SMIM27: variants seen among roughly 807,000 people sequenced by gnomAD.
The protein encoded by SMIM27 is transition zone microprotein 1.
Under a neutral mutation model 1.8 loss-of-function variants are expected in SMIM27, and 3 were observed. That is an observed-to-expected ratio of 1.65 (90% CI 0.75 to 4.28). The LOEUF is 4.28. SMIM27 is among the 30% of genes most tolerant of loss of function. The probability of loss-of-function intolerance (pLI) is 0.02; values close to 1 mark genes in which losing one functional copy is unlikely to be tolerated. For synonymous variants in SMIM27, 19 were observed against 13.9 expected (o/e 1.37, Z -0.82); for missense variants, 63 against 37.0 (o/e 1.70, Z -1.83).
At chr9:32,555,926 G>C (rs988079806), downstream of SMIM27, among the ~76,000 whole-genome samples, 1 of 152,224 alleles carries the variant, frequency 6.6e-6, no homozygotes, top group Non-Finnish European at 1.5e-5. Flanking sequence ...CCAAGAACCA[G>C]TGACTACTAT....
chr9:32,565,955 A>T (rs963455591), intron 1 of SMIM27, among the ~76,000 whole-genome samples: 1 of 152,112 alleles, frequency 6.6e-6, no homozygotes, highest in African/African-American at 2.4e-5. Flanking sequence ...CTGGGCAACG[A>T]AAGTGAAACT....
At chr9:32,565,159 G>A (rs985562946) in intron 1 of SMIM27, among the ~76,000 whole-genome samples, 5 of 152,126 alleles carry the variant, frequency 3.3e-5, no homozygotes, top group Non-Finnish European at 7.4e-5. Flanking sequence ...CAGCCATGGT[G>A]GCGGACACCT....
intron 1 of SMIM27, among the ~76,000 whole-genome samples, chr9:32,560,925 T>C (rs1821606622): frequency 6.6e-6 from 1 of 152,356 alleles, no homozygotes; most frequent in African/African-American, 2.4e-5. Flanking sequence ...TTTAAGTCAC[T>C]GTAACCAGTT....
intron 1 of SMIM27, among the ~76,000 whole-genome samples, chr9:32,561,938 T>A (rs1470432830): frequency 6.6e-6 from 1 of 152,240 alleles, no homozygotes; most frequent in Non-Finnish European, 1.5e-5. Context: ...TTTCAATGTT[T>A]TTCTTTGTTT....
downstream of SMIM27, among the ~76,000 whole-genome samples, chr9:32,556,264 T>C (rs192083957): frequency 2.6e-5 from 4 of 152,156 alleles, no homozygotes; most frequent in Non-Finnish European, 4.4e-5. Context: ...CAGATAATAT[T>C]TGGGAAGATG....
downstream of SMIM27, among the ~76,000 whole-genome samples, chr9:32,557,470 CT>C (rs201117028): frequency 4.9e-3 from 731 of 147,732 alleles, 4 homozygotes; most frequent in African/African-American, 0.017. Context: ...ATACCCCCTA[CT>C]TTTTTTTTTC....
upstream of SMIM27, chr9:32,551,711 A>G (rs72712913): frequency 0.027 from 10,486 of 387,232 alleles, 220 homozygotes; most frequent in Middle Eastern, 0.077. Context: ...CGCCCACCAA[A>G]CTGCCGTGCT....
rs927685311 is a variant in SMIM27 at position 32,553,005 on chromosome 9, G to A, written c.*82G>A. On this transcript the variant is annotated 3_prime_UTR_variant, in exon 2 of 2. Transcript: ENST00000692500. Reference sequence around the variant, plus strand: ...ATAAAAATAAAATTCATAATGCAAAGTTCCCAAGTTTATTTTTGCATTATC... The same window carrying A: ...ATAAAAATAAAATTCATAATGCAAAATTCCCAAGTTTATTTTTGCATTATC... The A allele has an allele frequency of 6.7e-6, 4 of 593,698 alleles. No individual in the cohort carries two copies. Among genetic ancestry groups the A allele is most frequent in the Non-Finnish European group, 1.2e-5 (4 of 333,900 alleles). The allele number at this position is 593,698 out of a possible 1,614,324, so 36.8% of individuals were successfully genotyped here.
At chr9:32,564,569 T>C (rs1187799324) in intron 1 of SMIM27, among the ~76,000 whole-genome samples, 1 of 152,110 alleles carries the variant, frequency 6.6e-6, no homozygotes, top group Non-Finnish European at 1.5e-5. Context: ...TTCAAAAAAA[T>C]TCAAGTATCA....
chr9:32,552,218 T>C (rs983264605), upstream of SMIM27: 1 of 633,256 alleles, frequency 1.6e-6, no homozygotes, highest in Non-Finnish European at 2.8e-6. Flanking sequence ...TTCTCGTTTA[T>C]TCCCCTCTCT....
At chr9:32,559,770 A>AT (rs1401182245) in intron 1 of SMIM27, among the ~76,000 whole-genome samples, 14 of 152,264 alleles carry the variant, frequency 9.2e-5, no homozygotes, top group African/African-American at 2.9e-4. Flanking sequence ...TTGTTCTCCT[A>AT]TAACATTAAT....
At chr9:32,557,979 G>A (rs546272786), downstream of SMIM27, among the ~76,000 whole-genome samples, 11 of 152,268 alleles carry the variant, frequency 7.2e-5, no homozygotes, top group South Asian at 2.3e-3. Context: ...AAATAGACAA[G>A]AACATAGTAT....
chr9:32,559,393 A>G (rs920419679), intron 1 of SMIM27, among the ~76,000 whole-genome samples: 3 of 152,198 alleles, frequency 2.0e-5, no homozygotes, highest in East Asian at 3.8e-4. Flanking sequence ...GTGCCCTCCT[A>G]TGCAAATGAA....
chr9:32,553,581 T>C (rs1821365688), downstream of SMIM27: 1 of 303,022 alleles, frequency 3.3e-6, no homozygotes, highest in Admixed American at 5.0e-5. Context: ...GATACCAAAT[T>C]AGTGTAAGTA....
chr9:32,558,986 G>A, intron 1 of SMIM27: 2 of 1,470,586 alleles, frequency 1.4e-6, no homozygotes, highest in Middle Eastern at 1.9e-4. Flanking sequence ...TGTTAATTAT[G>A]GTGTTAAGAG....
chr9:32,551,855 C>A, upstream of SMIM27: 2 of 432,420 alleles, frequency 4.6e-6, no homozygotes, highest in South Asian at 1.6e-5. Context: ...TTACGCTATA[C>A]GTTTCTGAAG....
exon 2 of SMIM27, chr9:32,566,747 G>A (rs562087531): frequency 1.7e-5 from 16 of 920,072 alleles, no homozygotes; most frequent in African/African-American, 3.2e-5. Context: ...ACCACAGCGG[G>A]TCCTCAGCCC....
intron 1 of SMIM27, among the ~76,000 whole-genome samples, chr9:32,565,802 T>C (rs1563996061): frequency 6.6e-6 from 1 of 152,050 alleles, no homozygotes; most frequent in Non-Finnish European, 1.5e-5. Flanking sequence ...CGAAACCCTG[T>C]CTCTACTAAA....
intron 1 of SMIM27, chr9:32,566,380 A>G (rs1044787950): frequency 5.5e-6 from 6 of 1,096,728 alleles, no homozygotes; most frequent in Non-Finnish European, 8.5e-6. Context: ...TGTTTCCACT[A>G]TGTGATCCAG....
Sources: gnomAD v4.1 joint callset for allele counts (sites outside exome capture counted in the v4.1 genomes callset) on GRCh38, gnomAD v4.1.1 for gene constraint, MANE v1.5 for transcripts, NCBI Gene and HGNC (gene_info 2026-07-23, HGNC 2026-07-21) for gene names.